The following RBFOX1 variants were observed in gnomAD, a reference collection of about 807,000 sequenced individuals.
RBFOX1 encodes RNA binding fox-1 homolog 1.
RBFOX1 carries 8 observed loss-of-function variants against 57.7 expected under a neutral mutation model. The observed-to-expected ratio is 0.14, with a 90% CI of 0.08 to 0.25. The LOEUF (loss-of-function observed/expected upper bound fraction) is 0.25. Ranked by LOEUF, RBFOX1 falls within the 10% of genes least tolerant of loss-of-function variation. The pLI is 1.00. For missense variants in RBFOX1, 611 were observed against 548.5 expected (o/e 1.11, Z -1.14); for synonymous variants, 326 against 222.4 (o/e 1.47, Z -4.15).
intron 1 of RBFOX1, among the ~76,000 whole-genome samples, chr16:5,325,579 A>T (rs1198556949): frequency 1.3e-5 from 2 of 152,228 alleles, no homozygotes; most frequent in Admixed American, 1.3e-4. Context: ...CTACCCTGTG[A>T]TAGCCCTCTG....
At position 7,325,645 on chromosome 16, in the gene RBFOX1, G is replaced by A. The variant is rs577513227; in HGVS notation, c.28-192502G>A. Among the ~76,000 whole-genome samples the A allele has an allele frequency of 1.5e-3, 227 of 152,260 alleles. 2 individuals carry two copies. Among genetic ancestry groups the A allele is most frequent in the African/African-American group, 5.4e-3 (223 of 41,548 alleles). On this transcript the variant is annotated intron_variant, in intron 4 of 15. Coordinates refer to ENST00000550418, the MANE Select transcript of RBFOX1 (RefSeq NM_018723.4). ...TCCTCCACTGAGATTTCCAATGGGG[G>A]TGGTTGTAATCTGGAGAGAGGTTGG...
intron 2 of RBFOX1, among the ~76,000 whole-genome samples, chr16:6,575,052 A>AGG (rs1567737369): frequency 1.3e-5 from 2 of 150,630 alleles, no homozygotes; most frequent in Non-Finnish European, 3.0e-5. Context: ...AAAAAAAAAA[A>AGG]AAAAAAAAAA....
rs1491107829 is a variant in RBFOX1 at position 6,806,837 on chromosome 16, T to TATATATA, written c.-16+152187_-16+152188insATATATA. Among the ~76,000 whole-genome samples the TATATATA allele has an allele frequency of 5.6e-3, 387 of 68,788 alleles. 1 individual carries two copies. Among genetic ancestry groups the TATATATA allele is most frequent in the Middle Eastern group, 0.022 (3 of 134 alleles). 45.1% of individuals were successfully genotyped at this position (68,788 alleles called of 152,430 possible). Reference sequence around the variant, plus strand: ...ATATAAATATATATATATATATATATTTTTTTTTTTTTTTGAGAGAAAGTC... The same window carrying TATATATA: ...ATATAAATATATATATATATATATATATATATATTTTTTTTTTTTTTGAGAGAAAGTC... On this transcript the variant is annotated intron_variant, in intron 3 of 15. Transcript: ENST00000550418.
chr16:6,442,325 A>T (rs889983503), intron 2 of RBFOX1, among the ~76,000 whole-genome samples: 1 of 152,188 alleles, frequency 6.6e-6, no homozygotes, highest in African/African-American at 2.4e-5. Flanking sequence ...TGGGAGGCCA[A>T]GGTGGGTGGA....
chr16:5,740,152 A>G (rs2033138257), intron 3 of RBFOX1, among the ~76,000 whole-genome samples: 1 of 152,176 alleles, frequency 6.6e-6, no homozygotes, highest in Admixed American at 6.5e-5. Flanking sequence ...GAGGAAGTAA[A>G]CACACGGGGA....
At chr16:5,904,021 G>A (rs1323043819) in intron 4 of RBFOX1, among the ~76,000 whole-genome samples, 1 of 152,172 alleles carries the variant, frequency 6.6e-6, no homozygotes, top group African/African-American at 2.4e-5. Context: ...TTGGCAGAAG[G>A]TCAGCGAGGC....
chr16:5,770,400 G>A (rs2053938254), intron 3 of RBFOX1, among the ~76,000 whole-genome samples: 1 of 152,196 alleles, frequency 6.6e-6, no homozygotes, highest in Non-Finnish European at 1.5e-5. Context: ...ACACCTGGAA[G>A]TTACCTTATA....
chr16:7,583,316 T>A (rs186800299), intron 6 of RBFOX1, among the ~76,000 whole-genome samples: 1 of 152,294 alleles, frequency 6.6e-6, no homozygotes, highest in African/African-American at 2.4e-5. Context: ...TTGGAAGGGA[T>A]GTTAGTTTTA....
intron 3 of RBFOX1, among the ~76,000 whole-genome samples, chr16:6,911,156 C>G (rs373376872): frequency 2.0e-5 from 3 of 150,254 alleles, no homozygotes; most frequent in Admixed American, 1.3e-4. Flanking sequence ...AGCCGATAAT[C>G]GCACCATTGC....
chr16:6,607,103 A>T (rs2097943658), intron 2 of RBFOX1, among the ~76,000 whole-genome samples: 1 of 152,132 alleles, frequency 6.6e-6, no homozygotes, highest in Non-Finnish European at 1.5e-5. Flanking sequence ...AAACCTACTG[A>T]CTAATAGTCC....
At chr16:5,791,318 C>G (rs542283657) in intron 3 of RBFOX1, among the ~76,000 whole-genome samples, 17 of 152,306 alleles carry the variant, frequency 1.1e-4, no homozygotes, top group Non-Finnish European at 2.1e-4. Flanking sequence ...CAATGCAATG[C>G]TATTAATAAT....
chr16:5,637,532 C>G (rs140259170), intron 3 of RBFOX1, among the ~76,000 whole-genome samples: 1 of 152,192 alleles, frequency 6.6e-6, no homozygotes, highest in Non-Finnish European at 1.5e-5. Context: ...TGCACCTAGA[C>G]TATTGAACAC....
At chr16:5,710,454 C>T (rs547778403) in intron 3 of RBFOX1, among the ~76,000 whole-genome samples, 50 of 152,276 alleles carry the variant, frequency 3.3e-4, no homozygotes, top group African/African-American at 1.1e-3. Context: ...AGAGACTTTG[C>T]CGTGGCTGCT....
chr16:7,001,903 G>T (rs12933869), intron 3 of RBFOX1, among the ~76,000 whole-genome samples: 5,750 of 152,076 alleles, frequency 0.038, 136 homozygotes, highest in Admixed American at 0.066. Flanking sequence ...TAGTAAGCGG[G>T]GGTCCCCAAA....
At chr16:5,789,188 G>C (rs1387531849) in intron 3 of RBFOX1, among the ~76,000 whole-genome samples, 1 of 152,190 alleles carries the variant, frequency 6.6e-6, no homozygotes, top group Non-Finnish European at 1.5e-5. Context: ...CTGGTGAATT[G>C]AAGCATTTGT....
intron 1 of RBFOX1, among the ~76,000 whole-genome samples, chr16:6,113,208 A>G (rs1390167792): frequency 1.3e-5 from 2 of 152,036 alleles, no homozygotes; most frequent in Admixed American, 6.6e-5. Flanking sequence ...TTCTTTGGAC[A>G]TTTTCTTCTC....
chr16:7,228,752 T>C (rs750045702), intron 4 of RBFOX1, among the ~76,000 whole-genome samples: 1 of 152,224 alleles, frequency 6.6e-6, no homozygotes, highest in Non-Finnish European at 1.5e-5. Flanking sequence ...TGCAAGAGGT[T>C]AAGTGAATTT....
chr16:5,784,837 G>A, intron 3 of RBFOX1, among the ~76,000 whole-genome samples: 1 of 152,132 alleles, frequency 6.6e-6, no homozygotes, highest in Non-Finnish European at 1.5e-5. Flanking sequence ...GAACCAGGAG[G>A]TAAGTCCTTC....
intron 2 of RBFOX1, among the ~76,000 whole-genome samples, chr16:6,623,150 C>G (rs959440477): frequency 1.7e-4 from 26 of 152,158 alleles, no homozygotes; most frequent in Non-Finnish European, 1.9e-4. Flanking sequence ...CTGCATACCC[C>G]ATTCCAGAAG....
Sources: gnomAD v4.1 joint callset for allele counts (sites outside exome capture counted in the v4.1 genomes callset) on GRCh38, gnomAD v4.1.1 for gene constraint, MANE v1.5 for transcripts, NCBI Gene and HGNC (gene_info 2026-07-23, HGNC 2026-07-21) for gene names.